Variants in PIWIL1 observed in about 807,000 individuals in gnomAD.
PIWIL1 encodes piwi like RNA-mediated gene silencing 1.
PIWIL1 carries 73 observed loss-of-function variants against 114.4 expected under a neutral mutation model. That is an observed-to-expected ratio of 0.64 (90% CI 0.53 to 0.78). The LOEUF (loss-of-function observed/expected upper bound fraction) is 0.78. Ranked by LOEUF, PIWIL1 falls within the 30% of genes least tolerant of loss-of-function variation. PIWIL1 has a pLI of 0.00. For missense variants in PIWIL1, 723 were observed against 1,063.1 expected (o/e 0.68, Z 4.45); for synonymous variants, 375 against 369.0 (o/e 1.02, Z -0.19).
At chr12:130,357,920 C>A (rs1209091284) in intron 14 of PIWIL1, among the ~76,000 whole-genome samples, 1 of 152,170 alleles carries the variant, frequency 6.6e-6, no homozygotes, top group Non-Finnish European at 1.5e-5. Context: ...CATGGAAGCT[C>A]CCCAGACAGC....
intron 1 of PIWIL1, chr12:130,342,186 GTGTGTC>G (rs2072938919): frequency 2.6e-5 from 5 of 189,326 alleles, no homozygotes; most frequent in East Asian, 1.2e-4. Flanking sequence ...GTGTGTGTGT[GTGTGTC>G]TGTGTATGGG....
At chr12:130,413,223 C>G in the PIWIL1 span, among the ~76,000 whole-genome samples, 5 of 152,172 alleles carry the variant, frequency 3.3e-5, no homozygotes, top group African/African-American at 1.2e-4. Context: ...TTCTCAAATG[C>G]CAACTGTCAG....
In PIWIL1 at chr12:130,371,461, CT is replaced by C. The variant is rs2073815380; in HGVS notation, c.2470-14del. On this transcript the variant is annotated intron_variant, in intron 20 of 20. Transcript: ENST00000245255. ...GAGGCTAAGTCTAGAGTAATAGAAC[CT>C]TTTTTTCCTTCCACTAAAGGGTGTC... 1.2e-6 allele frequency: 2 copies of C among 1,610,856 alleles called. No individual in the cohort carries two copies. Among genetic ancestry groups the C allele is most frequent in the African/African-American group, 1.3e-5 (1 of 74,838 alleles).
the PIWIL1 span, among the ~76,000 whole-genome samples, chr12:130,401,849 G>A: frequency 6.6e-6 from 1 of 152,122 alleles, no homozygotes; most frequent in Non-Finnish European, 1.5e-5. Flanking sequence ...AGATGGAGTA[G>A]TTGGCTTATA....
chr12:130,349,823 A>T (rs1453367322), intron 8 of PIWIL1, 33 bp from the exon 9 acceptor site: 26 of 1,212,510 alleles, frequency 2.1e-5, no homozygotes, highest in Non-Finnish European at 3.1e-5. Context: ...TCACATTTCC[A>T]TCAAATGCAG....
the PIWIL1 span, among the ~76,000 whole-genome samples, chr12:130,379,289 C>T: frequency 2.6e-5 from 4 of 152,232 alleles, no homozygotes; most frequent in African/African-American, 9.6e-5. Flanking sequence ...GACACTCACA[C>T]ATTTGTCAAA....
chr12:130,365,661 C>A (rs2073635189), intron 18 of PIWIL1, among the ~76,000 whole-genome samples: 1 of 152,182 alleles, frequency 6.6e-6, no homozygotes, highest in Non-Finnish European at 1.5e-5. Flanking sequence ...TATTTGTGAC[C>A]TGTTTTTGTT....
At chr12:130,426,118 G>A in the PIWIL1 span, 2 of 152,422 alleles carry the variant, frequency 1.3e-5, no homozygotes, top group African/African-American at 4.8e-5. Flanking sequence ...GAGTGAACCG[G>A]GCCAGCGGGG....
At chr12:130,424,486 C>T in the PIWIL1 span, 50 of 1,232,030 alleles carry the variant, frequency 4.1e-5, no homozygotes, top group Non-Finnish European at 4.7e-5. The surrounding 1 kb of genome is among the most constrained non-coding windows in gnomAD (Gnocchi z 9.8). Context: ...AACCGCGACT[C>T]GTCCTCTTCA....
At chr12:130,356,533 G>A (rs755327660) in intron 12 of PIWIL1, among the ~76,000 whole-genome samples, 30 of 152,014 alleles carry the variant, frequency 2.0e-4, no homozygotes, top group African/African-American at 5.5e-4. Context: ...GCTTGCTTGC[G>A]GCATATAACA....
At chr12:130,366,299 AG>A in intron 18 of PIWIL1, 1 of 152,562 alleles carries the variant, frequency 6.6e-6, no homozygotes, top group Non-Finnish European at 1.5e-5. Flanking sequence ...AGCCTGGAGG[AG>A]GGGGTGGAAA....
At chr12:130,377,486 T>G (rs2073876691), downstream of PIWIL1, among the ~76,000 whole-genome samples, 1 of 152,160 alleles carries the variant, frequency 6.6e-6, no homozygotes, top group African/African-American at 2.4e-5. Flanking sequence ...CCCTGGGAAG[T>G]AAGTTACACC....
In PIWIL1 at chr12:130,371,468, T is replaced by G. The variant is rs773407922; in HGVS notation, c.2470-14T>G. 6.2e-7 allele frequency: 1 copy of G among 1,612,680 alleles called. No individual in the cohort carries two copies. The highest frequency in any genetic ancestry group is 8.5e-7 in the Non-Finnish European group (1 of 1,178,764). ...AGTCTAGAGTAATAGAACCTTTTTT[T>G]CCTTCCACTAAAGGGTGTCATTCGT... On this transcript the variant is annotated splice_polypyrimidine_tract_variant and intron_variant, in intron 20 of 20. Transcript: ENST00000245255.
At chr12:130,376,144 T>A (rs1457756096), downstream of PIWIL1, among the ~76,000 whole-genome samples, 1 of 152,148 alleles carries the variant, frequency 6.6e-6, no homozygotes, top group African/African-American at 2.4e-5. Context: ...TCATCAGCTG[T>A]CTCCTAGACG....
chr12:130,358,982 C>A lies in PIWIL1; in HGVS notation c.1665+1429C>A, dbSNP rs372439172. Among the ~76,000 whole-genome samples the A allele has an allele frequency of 2.6e-3, 389 of 152,290 alleles. 1 individual carries two copies. Among genetic ancestry groups the A allele is most frequent in the Non-Finnish European group, 4.6e-3 (310 of 68,020 alleles). On this transcript the variant is annotated intron_variant, in intron 14 of 20. Transcript: ENST00000245255. ...TCTCATGCACACACCCCTGCACACA[C>A]TTCTGACACACTTTTCTCAAACTTG...
At chr12:130,423,767 G>A in the PIWIL1 span, among the ~76,000 whole-genome samples, 6 of 138,980 alleles carry the variant, frequency 4.3e-5, no homozygotes, top group African/African-American at 1.4e-4. Context: ...AAAAACCCTC[G>A]ACAATACTAG....
chr12:130,419,780 G>GT, the PIWIL1 span: 3 of 152,164 alleles, frequency 2.0e-5, no homozygotes, highest in African/African-American at 7.2e-5. The surrounding 1 kb of genome is among the most constrained non-coding windows in gnomAD (Gnocchi z 4.3). Flanking sequence ...TTTTAGAAGA[G>GT]TGAAGCTACA....
chr12:130,366,672 T>C (rs1286395932), intron 18 of PIWIL1: 1 of 155,942 alleles, frequency 6.4e-6, no homozygotes, highest in East Asian at 1.9e-4. Flanking sequence ...AGTATGTATG[T>C]ATGAGTGTGT....
chr12:130,422,932 C>A, the PIWIL1 span, among the ~76,000 whole-genome samples: 2 of 152,108 alleles, frequency 1.3e-5, no homozygotes, highest in Non-Finnish European at 2.9e-5. This position sits in a 1 kb window ranked among gnomAD's most constrained non-coding sequence, Gnocchi z 5.2. Context: ...CTCCACATGC[C>A]CCCCTCCCAG....
Sources: gnomAD v4.1 joint callset for allele counts (sites outside exome capture counted in the v4.1 genomes callset) on GRCh38, gnomAD v4.1.1 for gene constraint, Gnocchi (gnomAD v3.1) non-coding constraint, MANE v1.5 for transcripts, NCBI Gene and HGNC (gene_info 2026-07-23, HGNC 2026-07-21) for gene names.